Variants in MAN2B2 observed in about 807,000 individuals in gnomAD.
MAN2B2 encodes epididymis-specific alpha-mannosidase.
MAN2B2 carries 106 observed loss-of-function variants against 117.1 expected under a neutral mutation model. The observed-to-expected ratio is 0.90, with a 90% CI of 0.77 to 1.06. The LOEUF is 1.06. Among genes scored for constraint, MAN2B2 ranks in the 50% least tolerant of loss-of-function variants. The probability of loss-of-function intolerance (pLI) is 0.00; values close to 1 mark genes in which losing one functional copy is unlikely to be tolerated. For synonymous variants in MAN2B2, 544 were observed against 595.1 expected, an observed-to-expected ratio of 0.91 and a Z score of 1.25; for missense variants, 1,326 against 1,381.4, an observed-to-expected ratio of 0.96 and a Z score of 0.64.
rs943538125 is a variant in MAN2B2 at position 6,621,492 on chromosome 4, C to G, written c.*207C>G. The G allele has an allele frequency of 1.8e-6, 1 of 544,554 alleles. No homozygotes were observed. The highest frequency in any genetic ancestry group is 3.3e-6 in the Non-Finnish European group (1 of 304,612). The allele number at this position is 544,554 out of a possible 1,614,324, so 33.7% of individuals were successfully genotyped here. Reference sequence around the variant, plus strand: ...CATTACAAGATCCAGGTTCTTCCCCCCCACACTCAATCAAGCCAGCCCTCT... The same window carrying G: ...CATTACAAGATCCAGGTTCTTCCCCGCCACACTCAATCAAGCCAGCCCTCT... On this transcript the variant is annotated 3_prime_UTR_variant, in exon 19 of 19. Transcript: ENST00000285599.
At chr4:6,614,135 G>T in intron 15 of MAN2B2, 83 bp from the exon 16 acceptor site, 1 of 1,524,306 alleles carries the variant, frequency 6.6e-7, no homozygotes, top group Non-Finnish European at 8.9e-7. Context: ...AGGGGCAGGG[G>T]CATGTAATGT....
At chr4:6,604,489 G>A (rs891981874) in intron 10 of MAN2B2, among the ~76,000 whole-genome samples, 2 of 146,428 alleles carry the variant, frequency 1.4e-5, no homozygotes, top group African/African-American at 5.0e-5. Context: ...GGGGGATGGG[G>A]AAGGGGAGTG....
At position 6,600,769 on chromosome 4, in the gene MAN2B2, A is replaced by C. The variant is rs543204891; in HGVS notation, c.1539+13A>C. 3.7e-6 allele frequency: 6 copies of C among 1,612,820 alleles called. No individual in the cohort carries two copies. Among genetic ancestry groups the C allele is most frequent in the Non-Finnish European group, 8.5e-7 (1 of 1,179,972 alleles). On this transcript the variant is annotated intron_variant, in intron 10 of 18. Transcript: ENST00000285599. ...AGTGCCCTCGCAGGTATGGACACAAAATCCTGCTGGAGGGGCCTTAGCTGC... is the reference window on the plus strand; with the variant it reads ...AGTGCCCTCGCAGGTATGGACACAACATCCTGCTGGAGGGGCCTTAGCTGC...
intron 2 of MAN2B2, 102 bp downstream of exon 2, chr4:6,576,826 C>A: frequency 2.1e-6 from 3 of 1,425,960 alleles, no homozygotes; most frequent in Non-Finnish European, 2.9e-6. Flanking sequence ...GCCAGGCTGG[C>A]ATAAACCACA....
At chr4:6,588,377 G>A (rs1244173450) in intron 4 of MAN2B2, among the ~76,000 whole-genome samples, 1 of 152,100 alleles carries the variant, frequency 6.6e-6, no homozygotes, top group East Asian at 1.9e-4. Flanking sequence ...CCATCCTATT[G>A]TATTAGGGCC....
At chr4:6,613,615 G>C (rs1711687356) in intron 15 of MAN2B2, among the ~76,000 whole-genome samples, 1 of 133,044 alleles carries the variant, frequency 7.5e-6, no homozygotes, top group Admixed American at 7.6e-5. Context: ...GAATGGAATG[G>C]AAGGGAGGGG....
rs961539606 is a variant in MAN2B2, at chr4:6,575,233, C to T, written c.23C>T (p.Pro8Leu). The T allele has an allele frequency of 1.3e-5, 20 of 1,534,426 alleles. No homozygotes were observed. Among genetic ancestry groups the T allele is most frequent in the Admixed American group, 3.9e-5 (2 of 51,434 alleles). The change falls in exon 1 of 19, where the codon CCG becomes CTG. Residue 8 changes from proline (P) to leucine (L), a missense_variant. Coordinates refer to ENST00000285599, the MANE Select transcript of MAN2B2 (RefSeq NM_015274.3). Reference protein sequence around the residue: MGQLCWLPLLAPLLLLRP... With the variant: MGQLCWLLLLAPLLLLRP... Reference sequence around the variant, plus strand: ...GGGATGGGGCAGCTGTGCTGGCTGCCGCTGCTGGCACCGCTCCTGTTGCTG... The same window carrying T: ...GGGATGGGGCAGCTGTGCTGGCTGCTGCTGCTGGCACCGCTCCTGTTGCTG...
Position 6,577,032 on chromosome 4 carries a change from A to T in MAN2B2, c.285+308A>T, listed in dbSNP as rs185083675. ...TCAGCAGTGCCCCCTGACACCAGGC[A>T]TCCCAGGTGTCCCCAAGCCCTCACC... is the stretch of plus-strand genomic sequence containing the variant. On this transcript the variant is annotated intron_variant, in intron 2 of 18. Coordinates refer to ENST00000285599, the MANE Select transcript of MAN2B2 (RefSeq NM_015274.3). Among the ~76,000 whole-genome samples, 338 of 152,262 alleles carry T rather than the reference A, an allele frequency of 2.2e-3. 3 individuals are homozygous for T. Among genetic ancestry groups the T allele is most frequent in the African/African-American group, 7.9e-3 (330 of 41,566 alleles).
intron 6 of MAN2B2, among the ~76,000 whole-genome samples, chr4:6,593,569 G>A (rs1726945100): frequency 6.6e-6 from 1 of 152,178 alleles, no homozygotes; most frequent in African/African-American, 2.4e-5. Flanking sequence ...GGCCTCTCCA[G>A]CTCCCACTCA....
At chr4:6,620,126 C>A in intron 18 of MAN2B2, 82 bp downstream of exon 18, 1 of 1,200,752 alleles carries the variant, frequency 8.3e-7, no homozygotes, top group Non-Finnish European at 1.2e-6. Flanking sequence ...CACATCCAAC[C>A]ATCTGCCTGT....
chr4:6,589,157 A>G lies in MAN2B2; in HGVS notation c.677A>G (p.Asn226Ser), dbSNP rs754984795. Reference protein sequence around the residue: ...YCTPSHIPFSNRSGFYWNGVA... With the variant: ...YCTPSHIPFSSRSGFYWNGVA... Reference sequence around the variant, plus strand: ...ACCCCGTCCCACATCCCTTTCTCCAACAGGTACGTGCCCTTCCGCAGTGCC... The same window carrying G: ...ACCCCGTCCCACATCCCTTTCTCCAGCAGGTACGTGCCCTTCCGCAGTGCC... The change falls in exon 5 of 19, where the codon AAC becomes AGC. Residue 226 changes from asparagine to serine, a missense_variant. Coordinates refer to ENST00000285599, the MANE Select transcript of MAN2B2 (RefSeq NM_015274.3). 42 of 1,611,906 alleles carry G rather than the reference A, an allele frequency of 2.6e-5. 1 individual carries two copies. In the South Asian group the frequency reaches 4.4e-4, roughly 17 times the overall value.
rs899514169 is a variant in MAN2B2, at chr4:6,587,027, G to A, written c.423G>A (p.Gly141=). 3.1e-6 allele frequency: 5 copies of A among 1,613,898 alleles called. No homozygotes were observed. The highest frequency in any genetic ancestry group is 1.7e-5 in the Admixed American group (1 of 59,994). Residue 141 remains glycine, a synonymous_variant, in exon 4 of 19, where the codon GGG becomes GGA. Transcript: ENST00000285599. Reference sequence around the variant, plus strand: ...ACGGGTTTCTCTATGAAACATTTGGGATCCGGCCACAGTTCTCCTGGCACG... The same window carrying A: ...ACGGGTTTCTCTATGAAACATTTGGAATCCGGCCACAGTTCTCCTGGCACG... ...EGHGFLYETF[G]IRPQFSWHVD... is the part of the protein sequence containing the mutation.
chr4:6,605,819 T>C (rs982493229), intron 11 of MAN2B2, among the ~76,000 whole-genome samples: 2 of 151,894 alleles, frequency 1.3e-5, no homozygotes, highest in Non-Finnish European at 2.9e-5. Flanking sequence ...CATCCATCCA[T>C]ACATCTACCT....
At chr4:6,590,561 G>A (rs902481834) in intron 5 of MAN2B2, among the ~76,000 whole-genome samples, 18 of 152,102 alleles carry the variant, frequency 1.2e-4, no homozygotes, top group Non-Finnish European at 1.0e-4. Context: ...TCCCGTCCAC[G>A]GTCCTCCAGG....
At chr4:6,579,036 CCACCAT>C (rs1726192666) in intron 3 of MAN2B2, among the ~76,000 whole-genome samples, 2 of 94,660 alleles carry the variant, frequency 2.1e-5, no homozygotes, top group African/African-American at 5.8e-5. Flanking sequence ...ATCACCACTA[CCACCAT>C]CACCACCATC....
intron 10 of MAN2B2, among the ~76,000 whole-genome samples, 161 bp from the exon 11 acceptor site, chr4:6,604,894 G>C (rs1247864991): frequency 6.6e-6 from 1 of 152,084 alleles, no homozygotes; most frequent in Non-Finnish European, 1.5e-5. Context: ...GATGTGGTTT[G>C]TGGGGGTCCA....
At position 6,578,455 on chromosome 4, in the gene MAN2B2, C is replaced by T. The variant is rs780708347; in HGVS notation, c.348C>T (p.Asp116=). ...EFVIGGQVMH[D]EAVTHLDDQI... is the part of the protein sequence containing the mutation. ...TCATCGGAGGCCAGGTCATGCATGA[C>T]GAGGCTGTGACGCACCTTGATGACC... The change falls in exon 3 of 19, where the codon GAC becomes GAT. Residue 116 remains aspartate (D), a synonymous_variant. Coordinates refer to ENST00000285599, the MANE Select transcript of MAN2B2 (RefSeq NM_015274.3). 3.1e-5 allele frequency: 50 copies of T among 1,613,600 alleles called. No individual in the cohort carries two copies. The highest frequency in any genetic ancestry group is 1.3e-4 in the Admixed American group (8 of 59,994).
At position 6,617,693 on chromosome 4, in the gene MAN2B2, A is replaced by G. The variant is rs918589133; in HGVS notation, c.2814+201A>G. The G allele has an allele frequency of 3.8e-5, 37 of 973,234 alleles. 1 individual carries two copies. The Admixed American group carries it at 7.4e-4, about 20-fold the overall frequency. 60.3% of individuals were successfully genotyped at this position (973,234 alleles called of 1,614,324 possible). ...CCTGGTTTTTTAGGGTTTTTTGTGT[A>G]TATGTGAGACAGGATCTCACTCTGT... On this transcript the variant is annotated intron_variant, in intron 17 of 18. Transcript: ENST00000285599.
intron 7 of MAN2B2, among the ~76,000 whole-genome samples, chr4:6,596,605 T>G (rs544116189): frequency 6.6e-6 from 1 of 152,194 alleles, no homozygotes; most frequent in South Asian, 2.1e-4. Context: ...CCTTGCTGCC[T>G]CCTACCATCC....
Sources: gnomAD v4.1 joint callset for allele counts (sites outside exome capture counted in the v4.1 genomes callset) on GRCh38, gnomAD v4.1.1 for gene constraint, MANE v1.5 for transcripts, NCBI Gene and HGNC (gene_info 2026-07-23, HGNC 2026-07-21) for gene names.